Variants in PTGER3 observed in about 807,000 individuals in gnomAD.
PTGER3 encodes the protein prostaglandin E receptor 3, also known as prostaglandin E2 receptor EP3 subtype.
In PTGER3, 22 loss-of-function variants were observed where a neutral mutation model predicts 34.7. The ratio of observed to expected loss-of-function variants is 0.63; its 90% CI spans 0.45 to 0.91. PTGER3 has a LOEUF of 0.91. Ranked by LOEUF, PTGER3 falls within the 40% of genes least tolerant of loss-of-function variation. The pLI, the probability that PTGER3 is intolerant of heterozygous loss-of-function variation, is 0.00. For synonymous variants in PTGER3, 241 were observed against 230.1 expected (o/e 1.05, Z -0.43); for missense variants, 468 against 519.4 (o/e 0.90, Z 0.96).
At chr1:70,952,276 G>GAATT (rs10688711), downstream of PTGER3, among the ~76,000 whole-genome samples, 128,167 of 151,654 alleles carry the variant, frequency 0.85, 54,277 homozygotes, top group East Asian at 0.94. Flanking sequence ...GAAAGATTCA[G>GAATT]AATTAAAGTT....
chr1:70,873,625 T>C (rs1266187591), intron 4 of PTGER3, among the ~76,000 whole-genome samples: 2 of 151,790 alleles, frequency 1.3e-5, no homozygotes, highest in East Asian at 1.9e-4. Context: ...CATGAGTAAG[T>C]TCTTTAGTGG....
chr1:71,028,508 C>T (rs1448671149), intron 1 of PTGER3, among the ~76,000 whole-genome samples: 2 of 152,146 alleles, frequency 1.3e-5, no homozygotes, highest in African/African-American at 2.4e-5. Context: ...TGACTGAGGG[C>T]AACATAAATA....
chr1:70,879,442 T>C (rs1226235656), intron 4 of PTGER3, among the ~76,000 whole-genome samples: 1 of 152,236 alleles, frequency 6.6e-6, no homozygotes, highest in Non-Finnish European at 1.5e-5. Flanking sequence ...AGATGGAGTT[T>C]TCCCATGTTG....
intron 2 of PTGER3, among the ~76,000 whole-genome samples, chr1:70,988,648 C>T (rs1434575468): frequency 6.6e-6 from 1 of 152,116 alleles, no homozygotes; most frequent in East Asian, 1.9e-4. Flanking sequence ...TCTCTGATAA[C>T]CAGGAAGTAG....
intron 4 of PTGER3, among the ~76,000 whole-genome samples, chr1:70,874,301 G>A (rs904994349): frequency 7.2e-5 from 11 of 152,252 alleles, no homozygotes; most frequent in African/African-American, 1.4e-4. Context: ...CTTCAGGACC[G>A]GAGAGAATTG....
At chr1:70,869,900 G>C (rs141877553) in intron 4 of PTGER3, among the ~76,000 whole-genome samples, 42 of 152,264 alleles carry the variant, frequency 2.8e-4, no homozygotes, top group South Asian at 8.3e-4. Context: ...AGTGCCAGTG[G>C]TTCTTCCATT....
chr1:70,853,336 A>G (rs1434394911), intron 4 of PTGER3, among the ~76,000 whole-genome samples: 2 of 152,248 alleles, frequency 1.3e-5, no homozygotes, highest in Non-Finnish European at 2.9e-5. Context: ...ATAATAAAGA[A>G]TTAGAGAAAT....
At chr1:70,978,163 C>T (rs532401479) in intron 2 of PTGER3, among the ~76,000 whole-genome samples, 1 of 152,160 alleles carries the variant, frequency 6.6e-6, no homozygotes, top group East Asian at 1.9e-4. Context: ...ACTCTACTGC[C>T]TCGCTCCCTC....
At chr1:70,947,825 C>T (rs1650361715), downstream of PTGER3, among the ~76,000 whole-genome samples, 1 of 152,074 alleles carries the variant, frequency 6.6e-6, no homozygotes, top group South Asian at 2.1e-4. Flanking sequence ...GTTCTATACA[C>T]TTGTTTATCT....
intron 1 of PTGER3, among the ~76,000 whole-genome samples, chr1:71,022,102 G>T (rs10749799): frequency 0.33 from 50,210 of 151,296 alleles, 9,093 homozygotes; most frequent in South Asian, 0.45. Flanking sequence ...TTCTCTGTAT[G>T]TTTTCCCCAA....
chr1:70,983,163 C>CAG (rs1349128768), intron 2 of PTGER3, among the ~76,000 whole-genome samples: 6 of 151,686 alleles, frequency 4.0e-5, no homozygotes, highest in African/African-American at 1.5e-4. Flanking sequence ...AACCATAGCC[C>CAG]AGAGAGAGAC....
At chr1:70,928,100 C>A (rs962082391) in intron 4 of PTGER3, among the ~76,000 whole-genome samples, 1 of 148,036 alleles carries the variant, frequency 6.8e-6, no homozygotes, top group African/African-American at 2.5e-5. Flanking sequence ...TTTCTGTTAA[C>A]AATGAAGAAA....
chr1:70,920,849 G>A (rs922438579), intron 4 of PTGER3, among the ~76,000 whole-genome samples: 1 of 148,512 alleles, frequency 6.7e-6, no homozygotes, highest in Non-Finnish European at 1.5e-5. Flanking sequence ...AAGCACTAAA[G>A]AGGAAATCAA....
chr1:70,912,110 G>A (rs1321715191), intron 4 of PTGER3, among the ~76,000 whole-genome samples: 1 of 152,054 alleles, frequency 6.6e-6, no homozygotes, highest in Non-Finnish European at 1.5e-5. Context: ...CAAAGAACTC[G>A]AAGTTATGGT....
At chr1:70,858,194 A>T (rs1253591096) in intron 4 of PTGER3, among the ~76,000 whole-genome samples, 6 of 130,536 alleles carry the variant, frequency 4.6e-5, no homozygotes, top group African/African-American at 2.0e-4. Context: ...AATACAAAAC[A>T]CAGATTCTTT....
chr1:71,007,392 G>A, intron 2 of PTGER3: 1 of 985,808 alleles, frequency 1.0e-6, no homozygotes, highest in Non-Finnish European at 1.2e-6. Flanking sequence ...TGGGAAGGAA[G>A]AGAGTTCAGC....
intron 4 of PTGER3, among the ~76,000 whole-genome samples, chr1:70,938,076 C>G (rs922605044): frequency 6.6e-6 from 1 of 152,128 alleles, no homozygotes; most frequent in African/African-American, 2.4e-5. Flanking sequence ...TTACACTCTC[C>G]TCTTTAAAGA....
intron 4 of PTGER3, among the ~76,000 whole-genome samples, chr1:70,895,257 T>TATC: frequency 6.6e-6 from 1 of 152,338 alleles, no homozygotes; most frequent in Non-Finnish European, 1.5e-5. Flanking sequence ...ACTCTTTGTG[T>TATC]ATCAGGATCT....
intron 2 of PTGER3, chr1:71,007,863 GATA>G: frequency 1.0e-6 from 1 of 985,202 alleles, no homozygotes; most frequent in Non-Finnish European, 1.2e-6. Flanking sequence ...ATGCACAAAT[GATA>G]ATAACTTGAG....
Sources: allele counts gnomAD v4.1 joint callset (sites outside exome capture counted in the v4.1 genomes callset), GRCh38; gene constraint gnomAD v4.1.1; transcripts MANE v1.5; gene names NCBI Gene and HGNC (gene_info 2026-07-23, HGNC 2026-07-21).